The following DNAJC12 variants were observed in gnomAD, a reference collection of about 807,000 sequenced individuals.
The protein encoded by DNAJC12 is DnaJ heat shock protein family (Hsp40) member C12.
A neutral mutation model predicts 28.5 loss-of-function variants in DNAJC12; 25 were observed. The observed-to-expected ratio is 0.88, with a 90% CI of 0.64 to 1.22. DNAJC12 has a LOEUF of 1.22. DNAJC12 is among the 50% of genes most tolerant of loss of function. The pLI is 0.00. For synonymous variants in DNAJC12, 77 were observed against 80.6 expected (o/e 0.95, Z 0.24); for missense variants, 222 against 231.7 (o/e 0.96, Z 0.27).
intron 1 of DNAJC12, among the ~76,000 whole-genome samples, chr10:67,824,166 G>A (rs926706863): frequency 1.3e-5 from 2 of 151,216 alleles, no homozygotes; most frequent in Non-Finnish European, 2.9e-5. Context: ...AACCTGGGAG[G>A]CAGAGGTTGC....
chr10:67,813,548 G>C (rs1841883359), intron 2 of DNAJC12, among the ~76,000 whole-genome samples: 1 of 149,574 alleles, frequency 6.7e-6, no homozygotes. Flanking sequence ...AGGAGTTCGA[G>C]ACCAGTCTGG....
intron 3 of DNAJC12, among the ~76,000 whole-genome samples, chr10:67,807,307 G>A (rs1162212931): frequency 1.3e-5 from 2 of 151,988 alleles, no homozygotes; most frequent in African/African-American, 4.8e-5. Flanking sequence ...GCGAAGTTTC[G>A]ATGCAAAAAC....
At chr10:67,824,521 C>T (rs1842010943) in intron 1 of DNAJC12, among the ~76,000 whole-genome samples, 1 of 151,744 alleles carries the variant, frequency 6.6e-6, no homozygotes, top group Non-Finnish European at 1.5e-5. Flanking sequence ...GAGATTTTGA[C>T]TGGGAAAACA....
chr10:67,828,250 A>G (rs529704475), intron 1 of DNAJC12, among the ~76,000 whole-genome samples: 18 of 152,268 alleles, frequency 1.2e-4, no homozygotes, highest in African/African-American at 4.3e-4. Flanking sequence ...TCTTGAAAAA[A>G]ATTGAGACAT....
At chr10:67,816,535 T>C (rs1841917366) in intron 2 of DNAJC12, among the ~76,000 whole-genome samples, 1 of 114,484 alleles carries the variant, frequency 8.7e-6, no homozygotes, top group African/African-American at 2.9e-5. Context: ...TAGTCTGAAG[T>C]TTACTTTCTT....
rs775241512 is a variant in DNAJC12, at chr10:67,823,353, C to G, written c.118G>C (p.Glu40Gln). Residue 40 changes from glutamate to glutamine, a missense_variant, in exon 2 of 5, where the codon GAA becomes CAA. Transcript: ENST00000225171. Reference sequence around the variant, plus strand: ...TCAGGATGCTTGTCTGGGTGACATTCCAGAGCTCTGACTTTAAATTCTGCC... The same window carrying G: ...TCAGGATGCTTGTCTGGGTGACATTGCAGAGCTCTGACTTTAAATTCTGCC... ...ILAEFKVRAL[E>Q]CHPDKHPENP... is the part of the protein sequence containing the mutation. 21 of 1,613,984 alleles carry G rather than the reference C, an allele frequency of 1.3e-5. No homozygotes were observed. In the East Asian group the frequency reaches 2.7e-4, roughly 21 times the overall value.
chr10:67,819,459 T>C (rs944673015), intron 2 of DNAJC12, among the ~76,000 whole-genome samples: 1 of 150,550 alleles, frequency 6.6e-6, no homozygotes, highest in Non-Finnish European at 1.5e-5. Context: ...GCAAACATGG[T>C]GAAACCCCTT....
At chr10:67,807,153 C>T (rs962029293) in intron 3 of DNAJC12, among the ~76,000 whole-genome samples, 11 of 151,524 alleles carry the variant, frequency 7.3e-5, no homozygotes, top group Non-Finnish European at 1.0e-4. Flanking sequence ...CCCAGCTACC[C>T]GGGAGGCTGA....
intron 1 of DNAJC12, chr10:67,833,796 A>G (rs1842117042): frequency 1.0e-5 from 5 of 498,154 alleles, no homozygotes; most frequent in Admixed American, 4.4e-5. Flanking sequence ...TGGACTGACC[A>G]TTGCTGCTGC....
At chr10:67,820,513 C>A (rs965753001) in intron 2 of DNAJC12, among the ~76,000 whole-genome samples, 1 of 152,152 alleles carries the variant, frequency 6.6e-6, no homozygotes, top group Admixed American at 6.5e-5. Flanking sequence ...TGCTCCACAT[C>A]TCTCTGGGCA....
At chr10:67,798,974 A>G (rs911786296) in intron 4 of DNAJC12, among the ~76,000 whole-genome samples, 1 of 152,064 alleles carries the variant, frequency 6.6e-6, no homozygotes, top group East Asian at 1.9e-4. Flanking sequence ...AATGTTGGTC[A>G]GGCTGGTCTC....
At chr10:67,797,965 G>A (rs1016589373) in intron 4 of DNAJC12, among the ~76,000 whole-genome samples, 2 of 151,282 alleles carry the variant, frequency 1.3e-5, no homozygotes, top group Admixed American at 6.6e-5. Context: ...GCGTGAACCC[G>A]GCATGCGGAG....
chr10:67,837,849 T>G (rs1186163672), intron 1 of DNAJC12, 85 bp downstream of exon 1: 31 of 1,045,266 alleles, frequency 3.0e-5, no homozygotes, highest in Middle Eastern at 2.8e-4. Context: ...GACTAAAAAT[T>G]CAAAGTTAAA....
At chr10:67,811,465 T>G (rs527473795) in intron 3 of DNAJC12, 59 bp downstream of exon 3, 15 of 1,609,580 alleles carry the variant, frequency 9.3e-6, no homozygotes, top group Non-Finnish European at 1.3e-5. Context: ...ACTACATGAG[T>G]CTAATCCATG....
chr10:67,821,003 G>A (rs1399767384), intron 2 of DNAJC12, among the ~76,000 whole-genome samples: 2 of 151,254 alleles, frequency 1.3e-5, no homozygotes. Context: ...GGCTGGTCTC[G>A]AACTCCCGAC....
At chr10:67,826,686 C>A (rs1360899477) in intron 1 of DNAJC12, among the ~76,000 whole-genome samples, 3 of 117,408 alleles carry the variant, frequency 2.6e-5, no homozygotes, top group Admixed American at 9.9e-5. Flanking sequence ...TATAAGATAT[C>A]TAATGATATA....
chr10:67,816,058 T>C (rs1446542349), intron 2 of DNAJC12: 6 of 398,354 alleles, frequency 1.5e-5, no homozygotes, highest in Non-Finnish European at 2.7e-5. Flanking sequence ...GGAAGAGAGA[T>C]CTCATTTTGT....
Position 67,796,897 on chromosome 10 carries a change from G to A in DNAJC12, c.*219C>T. 2.3e-6 allele frequency: 1 copy of A among 442,538 alleles called. No individual in the cohort carries two copies. Among genetic ancestry groups the A allele is most frequent in the South Asian group, 3.7e-5 (1 of 27,396 alleles). 27.4% of individuals were successfully genotyped at this position (442,538 alleles called of 1,614,324 possible). A position where few individuals can be genotyped will look rare whatever the true frequency, so the allele number is the denominator to read the frequency against. ...ATAATACAATCTACTCTGTATCTAA[G>A]AGCTTTAATTTATTCAAATATTGGA... On this transcript the variant is annotated 3_prime_UTR_variant, in exon 5 of 5. Coordinates refer to ENST00000225171, the MANE Select transcript of DNAJC12 (RefSeq NM_021800.3).
intron 1 of DNAJC12, among the ~76,000 whole-genome samples, chr10:67,830,427 T>C (rs1842081469): frequency 6.6e-6 from 1 of 151,580 alleles, no homozygotes; most frequent in Admixed American, 6.6e-5. Flanking sequence ...GCTAACACAG[T>C]GAAACCCCGT....
Sources: allele counts gnomAD v4.1 joint callset (sites outside exome capture counted in the v4.1 genomes callset), GRCh38; gene constraint gnomAD v4.1.1; transcripts MANE v1.5; gene names NCBI Gene and HGNC (gene_info 2026-07-23, HGNC 2026-07-21).